The following NKAIN2 variants were observed in gnomAD, a reference collection of about 807,000 sequenced individuals.
The protein encoded by NKAIN2 is sodium/potassium transporting ATPase interacting 2, also known as sodium/potassium-transporting ATPase subunit beta-1-interacting protein 2.
A neutral mutation model predicts 32.6 loss-of-function variants in NKAIN2; 14 were observed. The observed-to-expected ratio is 0.43, with a 90% CI of 0.28 to 0.67. The LOEUF (loss-of-function observed/expected upper bound fraction) is 0.67. Among genes scored for constraint, NKAIN2 ranks in the 30% least tolerant of loss-of-function variants. NKAIN2 has a pLI of 0.17. For synonymous variants in NKAIN2, 80 were observed against 87.2 expected (o/e 0.92, Z 0.46); for missense variants, 198 against 258.3 (o/e 0.77, Z 1.60).
intron 1 of NKAIN2, among the ~76,000 whole-genome samples, chr6:123,953,872 A>G (rs1036338628): frequency 2.6e-5 from 4 of 152,190 alleles, no homozygotes; most frequent in African/African-American, 9.7e-5. Context: ...TTTGCTTTCA[A>G]TGGCAGCAGG....
intron 1 of NKAIN2, among the ~76,000 whole-genome samples, chr6:124,107,586 G>T (rs1263899713): frequency 6.6e-6 from 1 of 152,082 alleles, no homozygotes; most frequent in South Asian, 2.1e-4. Context: ...AAATATTTCA[G>T]TGTACAGTAC....
At chr6:124,279,508 C>G (rs1418410589) in intron 1 of NKAIN2, among the ~76,000 whole-genome samples, 1 of 115,350 alleles carries the variant, frequency 8.7e-6, no homozygotes, top group African/African-American at 3.8e-5. Context: ...AAGATTCCAT[C>G]TCAAAAAAAA....
At chr6:123,920,748 A>C (rs535251755) in intron 1 of NKAIN2, among the ~76,000 whole-genome samples, 3 of 152,200 alleles carry the variant, frequency 2.0e-5, no homozygotes, top group African/African-American at 7.2e-5. Flanking sequence ...TTTTGACTTC[A>C]TTGGCCCTCT....
At chr6:123,832,594 A>G (rs749292129) in intron 1 of NKAIN2, among the ~76,000 whole-genome samples, 3 of 152,210 alleles carry the variant, frequency 2.0e-5, no homozygotes, top group Non-Finnish European at 4.4e-5. Flanking sequence ...TCTACAAACA[A>G]TGAATGAGAG....
At chr6:124,347,310 G>A (rs1435283665) in intron 2 of NKAIN2, among the ~76,000 whole-genome samples, 1 of 151,892 alleles carries the variant, frequency 6.6e-6, no homozygotes, top group East Asian at 1.9e-4. Flanking sequence ...ACAATTATGT[G>A]TCTTGGAGTT....
intron 3 of NKAIN2, among the ~76,000 whole-genome samples, chr6:124,612,131 GATTATATAAT>G (rs1379204000): frequency 7.3e-5 from 11 of 151,390 alleles, no homozygotes; most frequent in African/African-American, 2.7e-4. Flanking sequence ...ATTTTGGGCT[GATTATATAAT>G]ATTATATAAT....
At chr6:123,830,401 G>C (rs918736170) in intron 1 of NKAIN2, among the ~76,000 whole-genome samples, 55 of 152,088 alleles carry the variant, frequency 3.6e-4, no homozygotes, top group Non-Finnish European at 2.2e-4. Context: ...GGACATGCCT[G>C]GCCTAACCCC....
intron 3 of NKAIN2, among the ~76,000 whole-genome samples, chr6:124,497,284 A>T (rs1778097497): frequency 1.3e-5 from 2 of 152,138 alleles, no homozygotes; most frequent in Non-Finnish European, 2.9e-5. Flanking sequence ...TTTTTACAAG[A>T]TGTATGACTT....
chr6:124,262,720 G>C (rs1794308316), intron 1 of NKAIN2, among the ~76,000 whole-genome samples: 1 of 152,140 alleles, frequency 6.6e-6, no homozygotes, highest in Non-Finnish European at 1.5e-5. Context: ...TTGTATTTTA[G>C]AAAGGTCATT....
intron 4 of NKAIN2, among the ~76,000 whole-genome samples, chr6:124,694,157 G>A (rs1440198843): frequency 6.6e-6 from 1 of 152,076 alleles, no homozygotes; most frequent in East Asian, 1.9e-4. Flanking sequence ...AAGTCTATGT[G>A]TGTGTGTATA....
chr6:124,315,665 C>A (rs1254896002), intron 2 of NKAIN2, among the ~76,000 whole-genome samples: 1 of 152,054 alleles, frequency 6.6e-6, no homozygotes, highest in Non-Finnish European at 1.5e-5. Context: ...AATTACACTG[C>A]ACTGGCACTT....
chr6:124,774,937 A>G (rs977176280), intron 4 of NKAIN2, among the ~76,000 whole-genome samples: 18 of 151,988 alleles, frequency 1.2e-4, no homozygotes, highest in African/African-American at 4.1e-4. Flanking sequence ...CCAAAGATAC[A>G]AGCACCAAGG....
At chr6:124,211,140 A>G (rs567561842) in intron 1 of NKAIN2, among the ~76,000 whole-genome samples, 4 of 151,802 alleles carry the variant, frequency 2.6e-5, no homozygotes, top group Non-Finnish European at 4.4e-5. Context: ...TACTTATTAA[A>G]TTTTCCTTGT....
At chr6:124,278,074 A>G (rs1795123286) in intron 1 of NKAIN2, among the ~76,000 whole-genome samples, 1 of 152,196 alleles carries the variant, frequency 6.6e-6, no homozygotes, top group African/African-American at 2.4e-5. Context: ...CAATTTCTTA[A>G]GGAGACCAAT....
intron 2 of NKAIN2, among the ~76,000 whole-genome samples, chr6:124,343,947 A>G (rs9388319): frequency 0.84 from 121,269 of 144,514 alleles, 51,185 homozygotes; most frequent in African/African-American, 0.89. Context: ...TTTTCTTCTA[A>G]AGTTTTTATG....
At chr6:124,547,193 T>C (rs1163585551) in intron 3 of NKAIN2, among the ~76,000 whole-genome samples, 1 of 152,220 alleles carries the variant, frequency 6.6e-6, no homozygotes, top group Non-Finnish European at 1.5e-5. Context: ...GAAACGGTTA[T>C]TCATTGCAAA....
chr6:123,907,389 A>G (rs1774935593), intron 1 of NKAIN2, among the ~76,000 whole-genome samples: 1 of 152,212 alleles, frequency 6.6e-6, no homozygotes, highest in South Asian at 2.1e-4. Flanking sequence ...ACTTATCATA[A>G]TATCATAAAA....
chr6:124,526,617 G>T (rs917954363), intron 3 of NKAIN2, among the ~76,000 whole-genome samples: 1 of 152,116 alleles, frequency 6.6e-6, no homozygotes, highest in African/African-American at 2.4e-5. Context: ...GAACTGTAAA[G>T]AAAGAAAATG....
rs116166609 is a variant in NKAIN2 at position 124,139,907 on chromosome 6, T to C, written c.55-143098T>C. Among the ~76,000 whole-genome samples, 1,502 of 152,258 alleles carry C rather than the reference T, an allele frequency of 9.9e-3. 31 individuals carry two copies. The highest frequency in any genetic ancestry group is 0.034 in the African/African-American group (1,399 of 41,534). ...AAATAAAAATCTTACAACCAAAAAA[T>C]GTGGCTAAATTTTAGGATCTATGAT... On this transcript the variant is annotated intron_variant, in intron 1 of 6. Transcript: ENST00000368417.
Sources: gnomAD v4.1 joint callset for allele counts (sites outside exome capture counted in the v4.1 genomes callset) on GRCh38, gnomAD v4.1.1 for gene constraint, MANE v1.5 for transcripts, NCBI Gene and HGNC (gene_info 2026-07-23, HGNC 2026-07-21) for gene names.